Variants in PTPRJ observed in about 807,000 individuals in gnomAD.
PTPRJ encodes protein tyrosine phosphatase receptor type J, also known as receptor-type tyrosine-protein phosphatase eta.
A neutral mutation model predicts 141.3 loss-of-function variants in PTPRJ; 129 were observed. The ratio of observed to expected loss-of-function variants is 0.91; its 90% CI spans 0.79 to 1.06. The LOEUF is 1.06. PTPRJ is among the 50% of genes least tolerant of loss of function. The pLI is 0.00. For synonymous variants in PTPRJ, 610 were observed against 640.5 expected, an observed-to-expected ratio of 0.95 and a Z score of 0.72; for missense variants, 1,601 against 1,679.7, an observed-to-expected ratio of 0.95 and a Z score of 0.82.
At chr11:48,141,203 G>T (rs886199510) in intron 11 of PTPRJ, among the ~76,000 whole-genome samples, 2 of 152,084 alleles carry the variant, frequency 1.3e-5, no homozygotes, top group African/African-American at 4.8e-5. Context: ...AAAAAAAATG[G>T]GAATAACCCA....
rs533273526 is a variant in PTPRJ, at chr11:47,989,864, C to T, written c.96+8856C>T. On this transcript the variant is annotated intron_variant, in intron 1 of 24. Transcript: ENST00000418331. The stretch of plus-strand genomic sequence containing the variant: ...TTTGTTGGAGTCTTGGCTCTACCAC[C>T]TCATTAGCTGTGTGATCTTGGGCAG... 2.6e-5 allele frequency among the ~76,000 whole-genome samples: 4 copies of T among 152,230 alleles called. No homozygotes were observed. The South Asian group carries it at 8.3e-4, about 32-fold the overall frequency.
intron 1 of PTPRJ, among the ~76,000 whole-genome samples, chr11:48,048,463 T>C (rs867200963): frequency 2.6e-5 from 4 of 152,210 alleles, no homozygotes; most frequent in Middle Eastern, 3.2e-3. Flanking sequence ...TTTTCATGCA[T>C]TTTGTGTTTG....
rs1308120025 is a variant in PTPRJ, at chr11:48,163,459, T to C, written c.3560T>C (p.Ile1187Thr). 1.9e-6 allele frequency: 3 copies of C among 1,613,762 alleles called. No homozygotes were observed. The highest frequency in any genetic ancestry group is 2.5e-6 in the Non-Finnish European group (3 of 1,179,850). ...CTAAATCATTTTCTGGGCTTTTAGA[T>C]CCAGACAAGTGAGAGTCACCCTCTG... Reference protein sequence around the residue: ...WTIRDFTVKNIQTSESHPLRQ... With the variant: ...WTIRDFTVKNTQTSESHPLRQ... Residue 1187 changes from isoleucine (I) to threonine (T), a missense_variant and splice_region_variant, in exon 23 of 25, where the codon ATC becomes ACC. By Grantham distance (89) the Ile-to-Thr change is moderately conservative (BLOSUM62 -1). Transcript: ENST00000418331.
At chr11:48,089,786 A>G (rs962128797) in intron 1 of PTPRJ, among the ~76,000 whole-genome samples, 1 of 152,172 alleles carries the variant, frequency 6.6e-6, no homozygotes, top group Non-Finnish European at 1.5e-5. Context: ...AGGAATTTTT[A>G]TGGAGGGTGT....
intron 1 of PTPRJ, among the ~76,000 whole-genome samples, chr11:48,082,030 T>C (rs987201610): frequency 6.6e-6 from 1 of 152,180 alleles, no homozygotes; most frequent in Non-Finnish European, 1.5e-5. Context: ...CCCCACTGTT[T>C]AGAACTGGGC....
rs1251337059 is a variant in PTPRJ at position 48,047,993 on chromosome 11, C to CTCTTGGGGGCG, written c.97-62064_97-62063insCTTGGGGGCGT. 3.3e-5 allele frequency among the ~76,000 whole-genome samples: 5 copies of CTCTTGGGGGCG among 152,020 alleles called. No individual in the cohort carries two copies. The South Asian group carries it at 6.2e-4, about 19-fold the overall frequency. On this transcript the variant is annotated intron_variant, in intron 1 of 24. Coordinates refer to ENST00000418331, the MANE Select transcript of PTPRJ (RefSeq NM_002843.4). Reference sequence around the variant, plus strand: ...TTTATTTGGTTCTGGTCATTAACGGCTTTTGGGGGCGTTTTGGGGGCCTGT... The same window carrying CTCTTGGGGGCG: ...TTTATTTGGTTCTGGTCATTAACGGCTCTTGGGGGCGTTTTGGGGGCGTTTTGGGGGCCTGT...
At chr11:48,064,425 G>T (rs993100933) in intron 1 of PTPRJ, among the ~76,000 whole-genome samples, 2 of 152,136 alleles carry the variant, frequency 1.3e-5, no homozygotes, top group Non-Finnish European at 2.9e-5. Flanking sequence ...ACACCGGGCA[G>T]CAGCCCAGCA....
intron 1 of PTPRJ, among the ~76,000 whole-genome samples, chr11:48,020,422 T>C (rs2134211367): frequency 6.6e-6 from 1 of 152,342 alleles, no homozygotes; most frequent in Non-Finnish European, 1.5e-5. Context: ...CTTGCTGTTA[T>C]GGGAGTATCT....
chr11:48,011,591 G>T (rs1466207849), intron 1 of PTPRJ, among the ~76,000 whole-genome samples: 3 of 152,210 alleles, frequency 2.0e-5, no homozygotes, highest in African/African-American at 7.2e-5. Context: ...GTTTGAAGGA[G>T]AATGCTGCCT....
chr11:48,047,915 C>CTTGTGGGGGCTT (rs1306757166), intron 1 of PTPRJ, among the ~76,000 whole-genome samples: 4 of 151,708 alleles, frequency 2.6e-5, no homozygotes, highest in Non-Finnish European at 5.9e-5. Flanking sequence ...GCCTTCACGT[C>CTTGTGGGGGCTT]TTGTGGGGGC....
rs536681222 is a variant in PTPRJ, at chr11:48,110,180, G to C, written c.115+104G>C. The C allele has an allele frequency of 8.8e-6, 11 of 1,246,940 alleles. No individual in the cohort carries two copies. In the South Asian group the frequency reaches 1.3e-4, roughly 14 times the overall value. 77.2% of individuals were successfully genotyped at this position (1,246,940 alleles called of 1,614,324 possible). On this transcript the variant is annotated intron_variant, in intron 2 of 24. Coordinates refer to ENST00000418331, the MANE Select transcript of PTPRJ (RefSeq NM_002843.4). ...GTGAAATGCTAATTTATTAAAACCT[G>C]CTCGGTTTCCAATTTTTCTTTTTCT...
At chr11:47,990,108 T>C (rs1161363890) in intron 1 of PTPRJ, among the ~76,000 whole-genome samples, 2 of 152,164 alleles carry the variant, frequency 1.3e-5, no homozygotes, top group Non-Finnish European at 2.9e-5. Flanking sequence ...ATTGTGCCAC[T>C]GCACTCCAGC....
chr11:47,999,854 G>A (rs987373260), intron 1 of PTPRJ, among the ~76,000 whole-genome samples: 3 of 114,220 alleles, frequency 2.6e-5, no homozygotes, highest in Admixed American at 7.8e-5. Flanking sequence ...CTTTCATGCC[G>A]AGATTCTTCT....
At chr11:47,984,707 T>G (rs1854002469) in intron 1 of PTPRJ, among the ~76,000 whole-genome samples, 1 of 152,050 alleles carries the variant, frequency 6.6e-6, no homozygotes, top group South Asian at 2.1e-4. Flanking sequence ...TACAGGCGTA[T>G]GCCGCCATAC....
chr11:48,165,502 C>A (rs1363817265), intron 24 of PTPRJ, among the ~76,000 whole-genome samples: 1 of 152,172 alleles, frequency 6.6e-6, no homozygotes, highest in East Asian at 1.9e-4. Context: ...TGTTCCTTGA[C>A]CAGGATGAGA....
At chr11:48,049,599 A>G (rs1416314423) in intron 1 of PTPRJ, among the ~76,000 whole-genome samples, 2 of 151,558 alleles carry the variant, frequency 1.3e-5, no homozygotes, top group East Asian at 1.9e-4. Context: ...TTGTAATTCC[A>G]TGTACTCGGG....
chr11:48,071,294 G>A (rs1428649181), intron 1 of PTPRJ, among the ~76,000 whole-genome samples: 15 of 152,150 alleles, frequency 9.9e-5, no homozygotes, highest in Admixed American at 9.2e-4. Flanking sequence ...TGCTTTTGCT[G>A]CTGTAACAGA....
At position 48,164,420 on chromosome 11, in the gene PTPRJ, C is replaced by T. The variant is rs746031140; in HGVS notation, c.3760C>T (p.Arg1254Cys). Residue 1254 changes from arginine (R) to cysteine (C), a missense_variant, in exon 24 of 25, where the codon CGT (arginine) becomes TGT (cysteine). By Grantham distance (180) the Arg-to-Cys change is radical. Coordinates refer to ENST00000418331, the MANE Select transcript of PTPRJ (RefSeq NM_002843.4). ...GACGGGCACTTTCATTGCCATTGAT[C>T]GTCTCATCTACCAGATAGAGAATGA... ...GRTGTFIAID[R>C]LIYQIENENT... is the part of the protein sequence containing the mutation. 9.3e-6 allele frequency: 15 copies of T among 1,614,078 alleles called. No homozygotes were observed. Among genetic ancestry groups the T allele is most frequent in the South Asian group, 1.1e-5 (1 of 91,068 alleles).
rs1280036629 is a variant in PTPRJ at position 48,143,079 on chromosome 11, G to A, written c.2575+29G>A. ...AGGAGAGGCCTCCGTGGGTTAAACA[G>A]CCCATGAGTGATGCAGTGACCAGAG... is the stretch of plus-strand genomic sequence containing the variant. On this transcript the variant is annotated intron_variant, in intron 12 of 24. Transcript: ENST00000418331. The A allele has an allele frequency of 1.9e-6, 3 of 1,612,538 alleles. No homozygotes were observed. The African/African-American group carries it at 4.0e-5, about 22-fold the overall frequency.
Sources: allele counts gnomAD v4.1 joint callset (sites outside exome capture counted in the v4.1 genomes callset), GRCh38; gene constraint gnomAD v4.1.1; transcripts MANE v1.5; gene names NCBI Gene and HGNC (gene_info 2026-07-23, HGNC 2026-07-21).